The following MTMR3 variants were observed in gnomAD, a reference collection of about 807,000 sequenced individuals.
The protein encoded by MTMR3 is myotubularin related protein 3, also known as phosphatidylinositol-3,5-bisphosphate 3-phosphatase MTMR3.
A neutral mutation model predicts 132.4 loss-of-function variants in MTMR3; 32 were observed. The ratio of observed to expected loss-of-function variants is 0.24; its 90% CI spans 0.18 to 0.32. MTMR3 has a LOEUF of 0.32. Among genes scored for constraint, MTMR3 ranks in the 10% least tolerant of loss-of-function variants. MTMR3 has a pLI of 1.00. For synonymous variants in MTMR3, 556 were observed against 550.3 expected (o/e 1.01, Z -0.14); for missense variants, 1,216 against 1,489.6 (o/e 0.82, Z 3.02).
In MTMR3 at chr22:29,960,754, G is replaced by A. The variant is rs111890456; in HGVS notation, c.-85+3666G>A. On this transcript the variant is annotated intron_variant, in intron 2 of 19. Coordinates refer to ENST00000401950, the MANE Select transcript of MTMR3 (RefSeq NM_021090.4). ...TATGATTTGCTCTCAAGGTCATAGA[G>A]TTAGTATATGGCAGCCCTGAGGGCC... 5.3e-3 allele frequency among the ~76,000 whole-genome samples: 814 copies of A among 152,268 alleles called. 6 individuals are homozygous for A. The highest frequency in any genetic ancestry group is 0.018 in the African/African-American group (760 of 41,560).
intron 9 of MTMR3, chr22:30,003,632 CA>C (rs1490270696): frequency 6.6e-6 from 1 of 152,190 alleles, no homozygotes; most frequent in African/African-American, 2.4e-5. Flanking sequence ...TAACTGACCT[CA>C]GTCTGTTCCT....
intron 7 of MTMR3, chr22:29,994,808 AC>A (rs1018618899): frequency 2.0e-5 from 3 of 152,240 alleles, no homozygotes; most frequent in African/African-American, 7.2e-5. Context: ...AGCCGGCTGT[AC>A]TGTGGTCACA....
intron 5 of MTMR3, chr22:29,988,255 C>T (rs1313972035): frequency 6.3e-6 from 2 of 317,530 alleles, no homozygotes; most frequent in Non-Finnish European, 1.2e-5. Flanking sequence ...CTCTTTGTTG[C>T]CTTCATGCTA....
chr22:29,962,956 T>A (rs1406716390), intron 2 of MTMR3, among the ~76,000 whole-genome samples: 1 of 150,212 alleles, frequency 6.7e-6, no homozygotes, highest in African/African-American at 2.5e-5. Context: ...TTGCCTAGGC[T>A]TCTGGTGTGC....
rs2065481275 is a variant in MTMR3, at chr22:29,924,663, T to G, written c.-137-32373T>G. Among the ~76,000 whole-genome samples, 3 of 152,232 alleles carry G rather than the reference T, an allele frequency of 2.0e-5. No individual in the cohort carries two copies. In the South Asian group the frequency reaches 6.2e-4, roughly 31 times the overall value. On this transcript the variant is annotated intron_variant, in intron 1 of 19. Coordinates refer to ENST00000401950, the MANE Select transcript of MTMR3 (RefSeq NM_021090.4). ...ATCACTTTGGGTAGTATTGACATCT[T>G]CACAATATAAAGTCTTCCAATCCAT...
intron 7 of MTMR3, chr22:29,993,271 T>C (rs1303084208): frequency 6.6e-6 from 1 of 152,242 alleles, no homozygotes; most frequent in African/African-American, 2.4e-5. Context: ...TTTTTCTTTA[T>C]TGAAATGCCA....
chr22:29,884,240 T>C (rs953240568), intron 1 of MTMR3, among the ~76,000 whole-genome samples: 2 of 151,604 alleles, frequency 1.3e-5, no homozygotes, highest in Admixed American at 6.6e-5. Flanking sequence ...TTCTGACATC[T>C]ATTTTTCCAC....
chr22:29,927,368 A>G (rs1390338644), intron 1 of MTMR3, among the ~76,000 whole-genome samples: 1 of 152,202 alleles, frequency 6.6e-6, no homozygotes, highest in Non-Finnish European at 1.5e-5. Context: ...TTTTAGGATC[A>G]GCTTGTTGAT....
Position 30,009,139 on chromosome 22 carries a change from TGG to T in MTMR3, c.1121+11_1121+12del. The T allele has an allele frequency of 6.4e-7, 1 of 1,564,778 alleles. No homozygotes were observed. The highest frequency in any genetic ancestry group is 8.8e-7 in the Non-Finnish European group (1 of 1,135,400). Reference sequence around the variant, plus strand: ...TGCCAGATCCGGGAAAGTAAGTCCTTGGCCTTGGCTTTCATTTTGCATTGCTC... The same window carrying T: ...TGCCAGATCCGGGAAAGTAAGTCCTTCCTTGGCTTTCATTTTGCATTGCTC... On this transcript the variant is annotated intron_variant, in intron 12 of 19. Coordinates refer to ENST00000401950, the MANE Select transcript of MTMR3 (RefSeq NM_021090.4).
intron 1 of MTMR3, among the ~76,000 whole-genome samples, chr22:29,893,398 A>G (rs2064834778): frequency 6.6e-6 from 1 of 152,158 alleles, no homozygotes; most frequent in African/African-American, 2.4e-5. Flanking sequence ...TTTATTTAGT[A>G]GGCTGCTATT....
intron 3 of MTMR3, among the ~76,000 whole-genome samples, 160 bp downstream of exon 3, chr22:29,971,222 TTAG>T (rs1270837554): frequency 2.0e-4 from 30 of 152,214 alleles, no homozygotes; most frequent in African/African-American, 6.7e-4. Flanking sequence ...TCTTGTTTAC[TTAG>T]TAGTAATAGA....
In MTMR3 at chr22:29,904,477, C is replaced by T. The variant is rs559492303; in HGVS notation, c.-138+21118C>T. Among the ~76,000 whole-genome samples the T allele has an allele frequency of 2.3e-3, 349 of 152,292 alleles. 6 individuals are homozygous for T. Among genetic ancestry groups the T allele is most frequent in the African/African-American group, 8.1e-3 (336 of 41,556 alleles). On this transcript the variant is annotated intron_variant, in intron 1 of 19. Transcript: ENST00000401950. ...TTTGAATTGTGGTTCTACCACTTACCTGTCTGTGATCTTGGGGAAGTTCTT... is the reference window on the plus strand; with the variant it reads ...TTTGAATTGTGGTTCTACCACTTACTTGTCTGTGATCTTGGGGAAGTTCTT...
chr22:29,942,671 CT>C (rs1334860988), intron 1 of MTMR3, among the ~76,000 whole-genome samples: 1 of 152,200 alleles, frequency 6.6e-6, no homozygotes, highest in Non-Finnish European at 1.5e-5. Context: ...AGGGATGTTC[CT>C]TGCTGAGAAA....
intron 1 of MTMR3, among the ~76,000 whole-genome samples, chr22:29,924,226 A>AG (rs1210544488): frequency 1.3e-5 from 2 of 152,166 alleles, no homozygotes; most frequent in Non-Finnish European, 1.5e-5. Flanking sequence ...TTAATTAAAA[A>AG]CAGTTAATTA....
intron 1 of MTMR3, among the ~76,000 whole-genome samples, chr22:29,933,095 A>G (rs2065677028): frequency 6.6e-6 from 1 of 151,996 alleles, no homozygotes; most frequent in South Asian, 2.1e-4. Flanking sequence ...CAGCCTCCCT[A>G]GTAGCTGGGA....
chr22:29,906,286 G>GTCTGTCTGTCTATCTA (rs2065099481), intron 1 of MTMR3, among the ~76,000 whole-genome samples: 6 of 74,456 alleles, frequency 8.1e-5, no homozygotes, highest in African/African-American at 2.9e-4. Flanking sequence ...CTGTCTGTCT[G>GTCTGTCTGTCTATCTA]TCTATCTATC....
intron 1 of MTMR3, among the ~76,000 whole-genome samples, chr22:29,897,088 CTT>C (rs941506894): frequency 6.9e-6 from 1 of 144,704 alleles, no homozygotes. Flanking sequence ...TCTTTTTTTT[CTT>C]TTTTTTTTGA....
chr22:29,977,574 C>T (rs909734867), intron 3 of MTMR3, among the ~76,000 whole-genome samples: 1 of 152,006 alleles, frequency 6.6e-6, no homozygotes, highest in African/African-American at 2.4e-5. Flanking sequence ...CTTACTTTTT[C>T]TTAGAAATTG....
At chr22:29,929,679 T>G (rs1259048193) in intron 1 of MTMR3, among the ~76,000 whole-genome samples, 1 of 151,864 alleles carries the variant, frequency 6.6e-6, no homozygotes, top group Non-Finnish European at 1.5e-5. Flanking sequence ...CCGGCTAACT[T>G]TTTTTTGTAT....
Sources: gnomAD v4.1 joint callset for allele counts (sites outside exome capture counted in the v4.1 genomes callset) on GRCh38, gnomAD v4.1.1 for gene constraint, MANE v1.5 for transcripts, NCBI Gene and HGNC (gene_info 2026-07-23, HGNC 2026-07-21) for gene names.